The following NRXN3 variants were observed in gnomAD, a reference collection of about 807,000 sequenced individuals.
NRXN3 encodes neurexin III.
Under a neutral mutation model 137.6 loss-of-function variants are expected in NRXN3, and 32 were observed. The ratio of observed to expected loss-of-function variants is 0.23; its 90% CI spans 0.18 to 0.31. The LOEUF (loss-of-function observed/expected upper bound fraction) is 0.31, where lower values mean the gene tolerates loss of function less well. Among genes scored for constraint, NRXN3 ranks in the 10% least tolerant of loss-of-function variants. The pLI is 1.00. For missense variants in NRXN3, 1,574 were observed against 2,062.5 expected (o/e 0.76, Z 4.59); for synonymous variants, 798 against 784.5 (o/e 1.02, Z -0.29).
At chr14:78,185,010 A>G (rs1324609428) in intron 1 of NRXN3, among the ~76,000 whole-genome samples, 2 of 152,318 alleles carry the variant, frequency 1.3e-5, no homozygotes, top group Non-Finnish European at 2.9e-5. Context: ...AGAAGAAGGG[A>G]ATGCCTTCTG....
At chr14:79,644,586 A>G (rs1271018839) in intron 16 of NRXN3, among the ~76,000 whole-genome samples, 1 of 136,290 alleles carries the variant, frequency 7.3e-6, no homozygotes, top group African/African-American at 2.4e-5. Flanking sequence ...ATGATACTCA[A>G]GAAGCACTTT....
intron 10 of NRXN3, among the ~76,000 whole-genome samples, chr14:78,821,775 A>G (rs1395828775): frequency 2.0e-5 from 3 of 152,262 alleles, no homozygotes; most frequent in African/African-American, 2.4e-5. Flanking sequence ...AAAGAAATTG[A>G]TAATTGAAAT....
At chr14:79,381,540 G>A (rs2094470468) in intron 15 of NRXN3, among the ~76,000 whole-genome samples, 2 of 152,108 alleles carry the variant, frequency 1.3e-5, no homozygotes, top group African/African-American at 4.8e-5. Flanking sequence ...GATGAACCCC[G>A]GCTGTTCTCT....
At chr14:79,637,300 A>G (rs2098408999) in intron 16 of NRXN3, among the ~76,000 whole-genome samples, 1 of 152,114 alleles carries the variant, frequency 6.6e-6, no homozygotes, top group Non-Finnish European at 1.5e-5. Context: ...TATTATTATT[A>G]TTGTTATTGT....
chr14:78,741,021 T>C (rs1379757553), intron 8 of NRXN3, among the ~76,000 whole-genome samples: 1 of 152,194 alleles, frequency 6.6e-6, no homozygotes, highest in Admixed American at 6.5e-5. Context: ...TGTTTTCCTA[T>C]TAGGTACCTA....
chr14:78,522,162 A>G (rs1298431403), intron 4 of NRXN3, among the ~76,000 whole-genome samples: 3 of 152,204 alleles, frequency 2.0e-5, no homozygotes, highest in East Asian at 1.9e-4. Flanking sequence ...AATATTTACT[A>G]CATATCTACT....
At chr14:78,769,853 A>G (rs540693536) in intron 8 of NRXN3, among the ~76,000 whole-genome samples, 1 of 151,792 alleles carries the variant, frequency 6.6e-6, no homozygotes, top group South Asian at 2.1e-4. Flanking sequence ...ACTTCCATCT[A>G]TTGAGTGACT....
At chr14:79,488,553 G>A (rs1192364374) in intron 16 of NRXN3, among the ~76,000 whole-genome samples, 1 of 152,158 alleles carries the variant, frequency 6.6e-6, no homozygotes, top group Non-Finnish European at 1.5e-5. Context: ...GCAGAAGAAG[G>A]CAGGGAAGGG....
At chr14:78,440,971 G>A (rs1288402842) in intron 4 of NRXN3, among the ~76,000 whole-genome samples, 1 of 152,186 alleles carries the variant, frequency 6.6e-6, no homozygotes, top group Non-Finnish European at 1.5e-5. Flanking sequence ...GGAATGGGCT[G>A]GGGTTGCTTT....
chr14:78,827,948 C>T (rs559471361), intron 10 of NRXN3, among the ~76,000 whole-genome samples: 33 of 152,344 alleles, frequency 2.2e-4, no homozygotes, highest in African/African-American at 7.0e-4. Flanking sequence ...TTTGAAGGCA[C>T]ACATTCATTG....
chr14:79,752,413 G>A (rs1424194424), intron 19 of NRXN3, among the ~76,000 whole-genome samples: 9 of 152,078 alleles, frequency 5.9e-5, no homozygotes, highest in African/African-American at 1.9e-4. Context: ...AAATAACGCT[G>A]CATATCTACA....
intron 10 of NRXN3, among the ~76,000 whole-genome samples, chr14:78,836,215 A>G (rs551274293): frequency 6.6e-6 from 1 of 152,340 alleles, no homozygotes; most frequent in Admixed American, 6.5e-5. Flanking sequence ...AAGACACAAC[A>G]TGAAAGCAAA....
intron 16 of NRXN3, among the ~76,000 whole-genome samples, chr14:79,566,771 A>G (rs2097554312): frequency 6.6e-6 from 1 of 151,990 alleles, no homozygotes; most frequent in African/African-American, 2.4e-5. Flanking sequence ...ATAACCCTCA[A>G]TGATCTGTAA....
chr14:78,623,014 C>A (rs1395862726), intron 4 of NRXN3, among the ~76,000 whole-genome samples: 6 of 152,168 alleles, frequency 3.9e-5, no homozygotes, highest in Non-Finnish European at 8.8e-5. Flanking sequence ...CTACAAAAAA[C>A]CCCAGGACTT....
intron 4 of NRXN3, among the ~76,000 whole-genome samples, chr14:78,414,449 G>A (rs1257569853): frequency 6.6e-6 from 1 of 152,158 alleles, no homozygotes; most frequent in Non-Finnish European, 1.5e-5. Context: ...TATCTTTTTA[G>A]ACGGGCAAGT....
At chr14:78,844,148 T>C (rs1169559677) in intron 10 of NRXN3, among the ~76,000 whole-genome samples, 1 of 152,100 alleles carries the variant, frequency 6.6e-6, no homozygotes, top group Non-Finnish European at 1.5e-5. Flanking sequence ...CTTTGGCTTG[T>C]TGCTGCTTCA....
intron 4 of NRXN3, among the ~76,000 whole-genome samples, chr14:78,332,558 C>T (rs2080960708): frequency 6.6e-6 from 1 of 152,168 alleles, no homozygotes; most frequent in African/African-American, 2.4e-5. Flanking sequence ...TTGTGATCTG[C>T]CTGCCTTGGC....
chr14:79,739,128 A>T (rs952361211), intron 19 of NRXN3, among the ~76,000 whole-genome samples: 1 of 152,210 alleles, frequency 6.6e-6, no homozygotes, highest in East Asian at 1.9e-4. Flanking sequence ...CAAATTCTGA[A>T]ACTATCATTG....
intron 19 of NRXN3, among the ~76,000 whole-genome samples, chr14:79,788,511 T>C (rs1449230701): frequency 1.3e-5 from 2 of 152,208 alleles, no homozygotes; most frequent in Non-Finnish European, 2.9e-5. Context: ...GACTCGCTGA[T>C]ATCCATTTCA....
Sources: gnomAD v4.1 joint callset for allele counts (sites outside exome capture counted in the v4.1 genomes callset) on GRCh38, gnomAD v4.1.1 for gene constraint, MANE v1.5 for transcripts, NCBI Gene and HGNC (gene_info 2026-07-23, HGNC 2026-07-21) for gene names.